The following API5 variants were observed in gnomAD, a reference collection of about 807,000 sequenced individuals.
API5 encodes apoptosis inhibitor 5, also known as FIF.
A neutral mutation model predicts 71.9 loss-of-function variants in API5; 6 were observed. The observed-to-expected ratio is 0.08, with a 90% CI of 0.05 to 0.16. The LOEUF (loss-of-function observed/expected upper bound fraction) is 0.16, where lower values mean the gene tolerates loss of function less well. API5 is among the 10% of genes least tolerant of loss of function. The pLI is 1.00. For synonymous variants in API5, 189 were observed against 221.3 expected, an observed-to-expected ratio of 0.85 and a Z score of 1.30; for missense variants, 332 against 612.8, an observed-to-expected ratio of 0.54 and a Z score of 4.84.
chr11:43,321,967 A>C lies in API5; in HGVS notation c.392-18A>C. On this transcript the variant is annotated intron_variant, in intron 4 of 13. Transcript: ENST00000531273. ...ACTATAGAATTGACTTGCTACAGGC[A>C]ACTATTTTGTTTTGCAGGGACTTTA... 6.3e-7 allele frequency: 1 copy of C among 1,599,672 alleles called. No individual in the cohort carries two copies. The highest frequency in any genetic ancestry group is 8.5e-7 in the Non-Finnish European group (1 of 1,175,028).
At chr11:43,328,986 A>C in intron 9 of API5, 93 bp downstream of exon 9, 4 of 1,274,752 alleles carry the variant, frequency 3.1e-6, no homozygotes, top group Non-Finnish European at 4.5e-6. Context: ...AGAGCTCCCC[A>C]TCCTGCCTTA....
chr11:43,342,545 C>A lies in API5; in HGVS notation c.*35C>A. The stretch of plus-strand genomic sequence containing the variant: ...CAGCATTCTTCAGCATTGTCATGAG[C>A]TTAATATACTTAAATTCTACTACTC... On this transcript the variant is annotated 3_prime_UTR_variant, in exon 14 of 14. Transcript: ENST00000531273. 1 of 1,594,218 alleles carries A rather than the reference C, an allele frequency of 6.3e-7. No homozygotes were observed. The highest frequency in any genetic ancestry group is 8.6e-7 in the Non-Finnish European group (1 of 1,162,368).
At chr11:43,327,122 C>T (rs187109116) in intron 7 of API5, among the ~76,000 whole-genome samples, 9 of 152,322 alleles carry the variant, frequency 5.9e-5, no homozygotes, top group Admixed American at 5.2e-4. Context: ...TTGAATCAAG[C>T]ACCCAATAGT....
intron 10 of API5, chr11:43,330,294 G>A: frequency 1.6e-6 from 1 of 617,224 alleles, no homozygotes; most frequent in Non-Finnish European, 2.8e-6. Context: ...ACCTGTCAAG[G>A]GAACACAGAT....
intron 6 of API5, 113 bp from the exon 7 acceptor site, chr11:43,326,394 G>A (rs1385485166): frequency 3.0e-6 from 2 of 674,838 alleles, no homozygotes; most frequent in Non-Finnish European, 5.2e-6. Context: ...TATCGTATTT[G>A]TAGTCAGAAT....
intron 1 of API5, 68 bp downstream of exon 1, chr11:43,312,264 G>A (rs992760840): frequency 1.6e-5 from 24 of 1,527,206 alleles, no homozygotes; most frequent in Non-Finnish European, 4.5e-6. Flanking sequence ...GCTTCCCGCC[G>A]CACTCCCCGG....
At chr11:43,323,407 A>G (rs1302786061) in intron 5 of API5, 23 bp from the exon 6 acceptor site, 17 of 1,581,762 alleles carry the variant, frequency 1.1e-5, no homozygotes, top group Non-Finnish European at 1.5e-5. Context: ...ACATACTCTT[A>G]TTCTGAATTG....
chr11:43,320,687 C>T (rs1247424976), intron 2 of API5, 134 bp from the exon 3 acceptor site: 5 of 713,624 alleles, frequency 7.0e-6, no homozygotes, highest in East Asian at 2.6e-5. Flanking sequence ...GCCATGGTTG[C>T]ACCACTGCAC....
At chr11:43,313,219 A>C (rs1432430654) in intron 1 of API5, among the ~76,000 whole-genome samples, 1 of 151,998 alleles carries the variant, frequency 6.6e-6, no homozygotes, top group Non-Finnish European at 1.5e-5. Context: ...CTCTGAATGG[A>C]GTTGTCTGGA....
In API5 at chr11:43,337,009, A is replaced by C. The variant is rs1036598781; in HGVS notation, c.1492+1015A>C. Among the ~76,000 whole-genome samples the C allele has an allele frequency of 1.8e-3, 144 of 81,496 alleles. 2 individuals carry two copies. The South Asian group carries it at 0.044, about 25-fold the overall frequency. The allele number at this position is 81,496 out of a possible 152,430, so 53.5% of individuals were successfully genotyped here. On this transcript the variant is annotated intron_variant, in intron 13 of 13. Coordinates refer to ENST00000531273, the MANE Select transcript of API5 (RefSeq NM_001142930.2). ...GGCGACAGAGCAAGACTCCGTCTCA[A>C]AAAAAAAAAAAAAAAAAAAAAAGAC...
intron 11 of API5, among the ~76,000 whole-genome samples, chr11:43,330,904 G>C (rs1212524133): frequency 7.4e-6 from 1 of 135,528 alleles, no homozygotes; most frequent in African/African-American, 2.9e-5. Flanking sequence ...CTGTAGGCTA[G>C]GGTATACCTT....
At chr11:43,330,414 G>A in intron 10 of API5, 94 bp from the exon 11 acceptor site, 1 of 920,482 alleles carries the variant, frequency 1.1e-6, no homozygotes, top group Non-Finnish European at 1.8e-6. Context: ...AGGTGATTCT[G>A]ATAGAAGTGT....
chr11:43,326,381 C>G, intron 6 of API5, 126 bp from the exon 7 acceptor site: 1 of 625,694 alleles, frequency 1.6e-6, no homozygotes, highest in Non-Finnish European at 2.8e-6. Flanking sequence ...GGGGTGTGCA[C>G]TATATCGTAT....
intron 6 of API5, among the ~76,000 whole-genome samples, chr11:43,325,839 TG>T (rs898404465): frequency 1.3e-5 from 2 of 152,164 alleles, no homozygotes; most frequent in African/African-American, 4.8e-5. Flanking sequence ...GGCAGTTTTT[TG>T]GGATGCTCAA....
At chr11:43,314,810 TA>T (rs1854614631) in intron 1 of API5, among the ~76,000 whole-genome samples, 1 of 152,220 alleles carries the variant, frequency 6.6e-6, no homozygotes, top group African/African-American at 2.4e-5. Context: ...CCCTTTTAGA[TA>T]AAATGCCTAA....
intron 4 of API5, 120 bp downstream of exon 4, chr11:43,321,596 G>C: frequency 1.2e-6 from 1 of 823,644 alleles, no homozygotes; most frequent in East Asian, 2.9e-5. Flanking sequence ...AAAATTCTAA[G>C]TATTGTGAAA....
intron 4 of API5, 50 bp downstream of exon 4, chr11:43,321,526 A>C (rs753414483): frequency 2.5e-5 from 34 of 1,386,002 alleles, no homozygotes; most frequent in Non-Finnish European, 3.4e-5. Flanking sequence ...ACAGAATCAC[A>C]AAGTTAGGTG....
At chr11:43,312,417 C>A (rs1854507794) in intron 1 of API5, among the ~76,000 whole-genome samples, 1 of 152,164 alleles carries the variant, frequency 6.6e-6, no homozygotes, top group Non-Finnish European at 1.5e-5. Context: ...TCCTTGCCTC[C>A]CTTGCCCAGC....
intron 11 of API5, among the ~76,000 whole-genome samples, chr11:43,330,993 A>T (rs189957831): frequency 2.6e-5 from 4 of 152,296 alleles, no homozygotes; most frequent in Non-Finnish European, 5.9e-5. Context: ...TAATAACCTG[A>T]GAGAACCAGA....
Sources: gnomAD v4.1 joint callset for allele counts (sites outside exome capture counted in the v4.1 genomes callset) on GRCh38, gnomAD v4.1.1 for gene constraint, MANE v1.5 for transcripts, NCBI Gene and HGNC (gene_info 2026-07-23, HGNC 2026-07-21) for gene names.